Variants in SH3RF3 observed in about 807,000 individuals in gnomAD.
The protein encoded by SH3RF3 is SH3 domain containing ring finger 3, also known as E3 ubiquitin-protein ligase SH3RF3.
A neutral mutation model predicts 66.3 loss-of-function variants in SH3RF3; 29 were observed. The ratio of observed to expected loss-of-function variants is 0.44; its 90% CI spans 0.33 to 0.60. The LOEUF is 0.60. SH3RF3 is among the 20% of genes least tolerant of loss of function. SH3RF3 has a pLI of 0.04. For synonymous variants in SH3RF3, 583 were observed against 532.0 expected (o/e 1.10, Z -1.32); for missense variants, 1,194 against 1,190.9 (o/e 1.00, Z -0.04).
intron 1 of SH3RF3, among the ~76,000 whole-genome samples, chr2:109,181,304 C>T (rs139409181): frequency 3.9e-5 from 6 of 152,316 alleles, no homozygotes; most frequent in African/African-American, 1.2e-4. Context: ...TACCATGGTA[C>T]ATTTGTCAAA....
chr2:109,210,847 T>C lies in SH3RF3; in HGVS notation c.573+80734T>C, dbSNP rs552883710. Among the ~76,000 whole-genome samples, 13 of 152,362 alleles carry C rather than the reference T, an allele frequency of 8.5e-5. 1 individual carries two copies. The highest frequency in any genetic ancestry group is 5.8e-4 in the East Asian group (3 of 5,194). On this transcript the variant is annotated intron_variant, in intron 1 of 9. Transcript: ENST00000309415. ...GTAGCTTTTTAAATTTAAAAATCTA[T>C]TTACAACCTAGGTGAGAAATCTTTA... is the stretch of plus-strand genomic sequence containing the variant.
intron 5 of SH3RF3, among the ~76,000 whole-genome samples, chr2:109,425,537 T>C (rs528201972): frequency 1.2e-4 from 18 of 152,206 alleles, no homozygotes; most frequent in African/African-American, 4.3e-4. Context: ...GTGAAGCCAG[T>C]GTTCATTTGC....
chr2:109,370,203 GTCTCTGTCTCTGTCTCTGTCTCTGTC>G (rs1310700201), intron 2 of SH3RF3, among the ~76,000 whole-genome samples: 5 of 144,856 alleles, frequency 3.5e-5, no homozygotes, highest in African/African-American at 1.4e-4. Flanking sequence ...CTCTGTCTCT[GTCTCTGTCTCTGTCTCTGTCTCTGTC>G]TCTCTCTCTC....
At chr2:109,132,404 C>A (rs1262779485) in intron 1 of SH3RF3, among the ~76,000 whole-genome samples, 4 of 152,156 alleles carry the variant, frequency 2.6e-5, no homozygotes, top group African/African-American at 4.8e-5. Flanking sequence ...TTCCTGAACT[C>A]TTTACCTGTT....
chr2:109,447,659 C>A (rs978901799), intron 7 of SH3RF3, among the ~76,000 whole-genome samples: 4 of 152,170 alleles, frequency 2.6e-5, no homozygotes. Context: ...AGTCACCATT[C>A]CCCTGGGGCC....
At chr2:109,339,258 G>A (rs564363473) in intron 1 of SH3RF3, among the ~76,000 whole-genome samples, 1 of 151,454 alleles carries the variant, frequency 6.6e-6, no homozygotes, top group Admixed American at 6.6e-5. Context: ...AACCCATGTT[G>A]GTTCAAGGGT....
rs936708688 is a variant in SH3RF3, at chr2:109,251,299, G to C, written c.574-96375G>C. The C allele has an allele frequency of 7.7e-5, 31 of 401,440 alleles. No homozygotes were observed. In the Admixed American group the frequency reaches 1.1e-3, roughly 14 times the overall value. The allele number at this position is 401,440 out of a possible 1,614,324, so 24.9% of individuals were successfully genotyped here. A position where few individuals can be genotyped will look rare whatever the true frequency, so the allele number is the denominator to read the frequency against. On this transcript the variant is annotated intron_variant, in intron 1 of 9. Transcript: ENST00000309415. ...ATTAATTACAGGCGTGAGCCACCAT[G>C]CCCGGCCCAAATTATCTTTAACAAA...
chr2:109,244,329 T>C (rs1302193447), intron 1 of SH3RF3, among the ~76,000 whole-genome samples: 3 of 152,072 alleles, frequency 2.0e-5, no homozygotes, highest in Non-Finnish European at 4.4e-5. Flanking sequence ...TAGGAGCAGG[T>C]GAGAAAAGTG....
At chr2:109,264,019 A>G (rs1275225115) in intron 1 of SH3RF3, among the ~76,000 whole-genome samples, 1 of 152,134 alleles carries the variant, frequency 6.6e-6, no homozygotes, top group Non-Finnish European at 1.5e-5. Context: ...TGGTCAGGAC[A>G]CTCCAGAAGC....
At chr2:109,478,814 C>G (rs1400108262) in intron 8 of SH3RF3, among the ~76,000 whole-genome samples, 1 of 152,130 alleles carries the variant, frequency 6.6e-6, no homozygotes, top group East Asian at 1.9e-4. Context: ...GAATGAAACC[C>G]GCTCCAGTTA....
chr2:109,347,764 G>T lies in SH3RF3; in HGVS notation c.664G>T (p.Val222Phe), dbSNP rs565113287. ...DLKFNKGDII[V>F]LRRKVDEQWY... ...CAAGTTCAACAAGGGGGACATCATC[G>T]TCCTGCGGCGCAAGGTGGATGAACA... Residue 222 changes from valine (V) to phenylalanine (F), a missense_variant, in exon 2 of 10, where the codon GTC becomes TTC. Physicochemically the swap from Val to Phe is conservative, Grantham distance 50 (BLOSUM62 -1). Coordinates refer to ENST00000309415, the MANE Select transcript of SH3RF3 (RefSeq NM_001099289.3). 2 of 1,613,974 alleles carry T rather than the reference G, an allele frequency of 1.2e-6. No individual in the cohort carries two copies. Among genetic ancestry groups the T allele is most frequent in the Non-Finnish European group, 8.5e-7 (1 of 1,179,876 alleles).
chr2:109,449,339 C>A lies in SH3RF3; in HGVS notation c.1998C>A (p.Ile666=). 3 of 1,605,658 alleles carry A rather than the reference C, an allele frequency of 1.9e-6. No homozygotes were observed. The highest frequency in any genetic ancestry group is 2.6e-6 in the Non-Finnish European group (3 of 1,175,136). ...PPVQMCPRPA[I]PLTSAASAIT... is the part of the protein sequence containing the mutation. Reference sequence around the variant, plus strand: ...TGCAGATGTGCCCACGGCCGGCCATCCCCCTCACATCAGCAGCATCAGCCA... The same window carrying A: ...TGCAGATGTGCCCACGGCCGGCCATACCCCTCACATCAGCAGCATCAGCCA... Residue 666 remains isoleucine (I), a synonymous_variant, in exon 8 of 10, where the codon ATC becomes ATA. Coordinates refer to ENST00000309415, the MANE Select transcript of SH3RF3 (RefSeq NM_001099289.3).
intron 1 of SH3RF3, among the ~76,000 whole-genome samples, chr2:109,286,818 A>AC (rs1681039382): frequency 1.3e-5 from 2 of 152,220 alleles, no homozygotes; most frequent in Non-Finnish European, 2.9e-5. Context: ...TCACAGGGCC[A>AC]GTAGCCATTC....
At chr2:109,479,156 C>T (rs1056575315) in intron 8 of SH3RF3, among the ~76,000 whole-genome samples, 3 of 152,104 alleles carry the variant, frequency 2.0e-5, no homozygotes, top group African/African-American at 4.8e-5. Context: ...GACTGGGTTC[C>T]GAGAGTGAGT....
intron 1 of SH3RF3, among the ~76,000 whole-genome samples, chr2:109,302,056 A>T (rs1264828690): frequency 1.3e-5 from 2 of 152,174 alleles, no homozygotes; most frequent in African/African-American, 2.4e-5. Context: ...AGCTTTGAGC[A>T]TTTGAAGAAT....
chr2:109,441,260 A>G (rs1375038471), intron 7 of SH3RF3, among the ~76,000 whole-genome samples: 1 of 152,238 alleles, frequency 6.6e-6, no homozygotes, highest in Non-Finnish European at 1.5e-5. Context: ...TCAATCAATC[A>G]AAACTGACCC....
intron 9 of SH3RF3, among the ~76,000 whole-genome samples, chr2:109,493,660 T>C (rs1038623373): frequency 6.7e-6 from 1 of 149,854 alleles, no homozygotes; most frequent in Non-Finnish European, 1.5e-5. Flanking sequence ...TACACACACA[T>C]ATTATACAAA....
intron 1 of SH3RF3, among the ~76,000 whole-genome samples, chr2:109,295,504 C>G (rs954869307): frequency 6.6e-6 from 1 of 152,224 alleles, no homozygotes; most frequent in African/African-American, 2.4e-5. Context: ...GGGCTGGACC[C>G]TAACAGCTTT....
At chr2:109,398,965 C>A in intron 4 of SH3RF3, 22 bp downstream of exon 4, 3 of 1,593,818 alleles carry the variant, frequency 1.9e-6, no homozygotes, top group South Asian at 1.1e-5. Flanking sequence ...CGGGCCAGGG[C>A]AGGCATCCCT....
Sources: allele counts gnomAD v4.1 joint callset (sites outside exome capture counted in the v4.1 genomes callset), GRCh38; gene constraint gnomAD v4.1.1; transcripts MANE v1.5; gene names NCBI Gene and HGNC (gene_info 2026-07-23, HGNC 2026-07-21).